Variants in TMEM65 observed in about 807,000 individuals in gnomAD.
The protein encoded by TMEM65 is transmembrane protein 65.
Under a neutral mutation model 25.4 loss-of-function variants are expected in TMEM65, and 22 were observed. The observed-to-expected ratio is 0.86, with a 90% CI of 0.62 to 1.23. The LOEUF is 1.23. Among genes scored for constraint, TMEM65 ranks in the 50% most tolerant of loss-of-function variants. TMEM65 has a pLI of 0.00. For synonymous variants in TMEM65, 132 were observed against 126.2 expected (o/e 1.05, Z -0.31); for missense variants, 262 against 308.2 (o/e 0.85, Z 1.12).
chr8:124,345,256 G>GCA (rs1206672494), intron 1 of TMEM65, among the ~76,000 whole-genome samples: 1 of 152,158 alleles, frequency 6.6e-6, no homozygotes, highest in Non-Finnish European at 1.5e-5. Flanking sequence ...TTTCTGTATA[G>GCA]CACTTCTATC....
intron 1 of TMEM65, among the ~76,000 whole-genome samples, chr8:124,337,145 G>GCA (rs1192708890): frequency 3.9e-5 from 5 of 126,912 alleles, no homozygotes; most frequent in East Asian, 2.1e-4. Flanking sequence ...ACACACACAC[G>GCA]CACACACACA....
intron 1 of TMEM65, among the ~76,000 whole-genome samples, chr8:124,338,444 T>G (rs951915761): frequency 1.3e-5 from 2 of 152,102 alleles, no homozygotes; most frequent in Non-Finnish European, 2.9e-5. Flanking sequence ...TCTGCAAAAT[T>G]CATCGCAGAC....
chr8:124,372,350 A>C lies in TMEM65; in HGVS notation c.-193T>G. On this transcript the variant is annotated 5_prime_UTR_variant, in exon 1 of 7. Coordinates refer to ENST00000297632, the MANE Select transcript of TMEM65 (RefSeq NM_194291.3). ...CTGTTCCGTCCCCACTTCCTTTCCA[A>C]AAGGCCCGCGGCGGCTCCCGCCCCT... 1.3e-5 allele frequency: 4 copies of C among 301,572 alleles called. No individual in the cohort carries two copies. The highest frequency in any genetic ancestry group is 6.2e-5 in the Admixed American group (1 of 16,140). The allele number at this position is 301,572 out of a possible 1,614,324, so 18.7% of individuals were successfully genotyped here.
At position 124,313,396 on chromosome 8, in the gene TMEM65, T is replaced by A. The variant is rs1217877810; in HGVS notation, c.*564A>T. ...GAAAATTAAAATAAGTAATATATACTTAAAATACTTAAAACCTGTATCTAT... is the reference window on the plus strand; with the variant it reads ...GAAAATTAAAATAAGTAATATATACATAAAATACTTAAAACCTGTATCTAT... On this transcript the variant is annotated 3_prime_UTR_variant, in exon 7 of 7. Transcript: ENST00000297632. The A allele has an allele frequency of 6.6e-6, 1 of 152,008 alleles. No individual in the cohort carries two copies. Among genetic ancestry groups the A allele is most frequent in the East Asian group, 1.9e-4 (1 of 5,202 alleles). 9.4% of individuals were successfully genotyped at this position (152,008 alleles called of 1,614,324 possible). A position where few individuals can be genotyped will look rare whatever the true frequency, so the allele number is the denominator to read the frequency against.
intron 1 of TMEM65, among the ~76,000 whole-genome samples, chr8:124,335,835 G>A (rs1163037346): frequency 6.6e-6 from 1 of 151,900 alleles, no homozygotes; most frequent in Non-Finnish European, 1.5e-5. Context: ...AAAAAACAGA[G>A]GGTCAAACAG....
chr8:124,345,273 T>C (rs898751668), intron 1 of TMEM65, among the ~76,000 whole-genome samples: 10 of 152,234 alleles, frequency 6.6e-5, no homozygotes, highest in Non-Finnish European at 1.3e-4. Flanking sequence ...TATCTGTCTA[T>C]AAATACTGCC....
intron 1 of TMEM65, among the ~76,000 whole-genome samples, chr8:124,350,518 G>A (rs565450217): frequency 6.7e-5 from 10 of 149,190 alleles, no homozygotes; most frequent in Non-Finnish European, 1.5e-4. Flanking sequence ...TACCATCACC[G>A]TAGCATGTAA....
intron 5 of TMEM65, among the ~76,000 whole-genome samples, chr8:124,321,651 G>A (rs889556522): frequency 6.6e-6 from 1 of 152,050 alleles, no homozygotes; most frequent in Non-Finnish European, 1.5e-5. Context: ...TCAAATTCGA[G>A]CCATATCCCT....
intron 1 of TMEM65, among the ~76,000 whole-genome samples, chr8:124,355,842 C>T (rs1006682047): frequency 6.6e-6 from 1 of 152,164 alleles, no homozygotes; most frequent in Non-Finnish European, 1.5e-5. Flanking sequence ...TAAGAGGGTA[C>T]AGCTAAATAG....
chr8:124,344,683 T>G (rs1372051819), intron 1 of TMEM65, among the ~76,000 whole-genome samples: 1 of 152,230 alleles, frequency 6.6e-6, no homozygotes, highest in Non-Finnish European at 1.5e-5. Flanking sequence ...TTTTTATATA[T>G]TTGATTTTGA....
intron 1 of TMEM65, among the ~76,000 whole-genome samples, chr8:124,342,851 C>G (rs1814597731): frequency 6.6e-6 from 1 of 152,116 alleles, no homozygotes; most frequent in South Asian, 2.1e-4. Context: ...TAATACATTT[C>G]TAGCACCTAA....
At chr8:124,369,498 A>G (rs1814983436) in intron 1 of TMEM65, among the ~76,000 whole-genome samples, 1 of 152,232 alleles carries the variant, frequency 6.6e-6, no homozygotes, top group Non-Finnish European at 1.5e-5. Context: ...GACACACAAG[A>G]TTGCCTATGG....
chr8:124,337,544 G>C (rs1311676739), intron 1 of TMEM65, among the ~76,000 whole-genome samples: 2 of 151,872 alleles, frequency 1.3e-5, no homozygotes, highest in Non-Finnish European at 1.5e-5. Flanking sequence ...AAATACATAG[G>C]ATAGAAAAAT....
intron 1 of TMEM65, among the ~76,000 whole-genome samples, chr8:124,345,970 C>A (rs938187157): frequency 1.3e-5 from 2 of 152,332 alleles, no homozygotes; most frequent in African/African-American, 4.8e-5. Flanking sequence ...TTGTCTGGAA[C>A]TCCTGACCTC....
intron 1 of TMEM65, among the ~76,000 whole-genome samples, chr8:124,367,692 A>G (rs1329070498): frequency 6.6e-6 from 1 of 152,234 alleles, no homozygotes; most frequent in Non-Finnish European, 1.5e-5. Context: ...CTCTTATACT[A>G]TATGGCAAGT....
Position 124,312,124 on chromosome 8 carries a change from T to TC in TMEM65, c.*1835dup, listed in dbSNP as rs200762629. The TC allele has an allele frequency of 1.8e-4, 26 of 141,990 alleles. No individual in the cohort carries two copies. The highest frequency in any genetic ancestry group is 1.1e-3 in the East Asian group (5 of 4,376). 8.8% of individuals were successfully genotyped at this position (141,990 alleles called of 1,614,324 possible). Reference sequence around the variant, plus strand: ...AAGCACTTACACTTTACCCCACCCTTCCCCCCCCAAAAATTTAAGCACTCT... The same window carrying TC: ...AAGCACTTACACTTTACCCCACCCTTCCCCCCCCCAAAAATTTAAGCACTCT... On this transcript the variant is annotated 3_prime_UTR_variant, in exon 7 of 7. Transcript: ENST00000297632.
At chr8:124,324,363 C>G (rs572934864) in intron 3 of TMEM65, among the ~76,000 whole-genome samples, 1 of 152,060 alleles carries the variant, frequency 6.6e-6, no homozygotes, top group Non-Finnish European at 1.5e-5. Context: ...TAATTCTTGT[C>G]GAATATGGAC....
In TMEM65 at chr8:124,307,930, G is replaced by C. The variant is rs4380916; in HGVS notation, c.*6030C>G. ...TAGTAAAGAAGAGAAGTGAGCACCA[G>C]GGTTTAAGGCAGAAAGGGACAGGCT... On this transcript the variant is annotated 3_prime_UTR_variant, in exon 7 of 7. Coordinates refer to ENST00000297632, the MANE Select transcript of TMEM65 (RefSeq NM_194291.3). 1.2e-4 allele frequency: 18 copies of C among 152,252 alleles called. No individual in the cohort carries two copies. The highest frequency in any genetic ancestry group is 4.1e-4 in the African/African-American group (17 of 41,556). The allele number at this position is 152,252 out of a possible 1,614,324, so 9.4% of individuals were successfully genotyped here.
At position 124,310,955 on chromosome 8, in the gene TMEM65, A is replaced by G. The variant is rs1814151288; in HGVS notation, c.*3005T>C. Reference sequence around the variant, plus strand: ...AAAAAGGTTATATTATATTTAATATACTGTCTTAAGATGGCGAGAAAATAT... The same window carrying G: ...AAAAAGGTTATATTATATTTAATATGCTGTCTTAAGATGGCGAGAAAATAT... On this transcript the variant is annotated 3_prime_UTR_variant, in exon 7 of 7. Coordinates refer to ENST00000297632, the MANE Select transcript of TMEM65 (RefSeq NM_194291.3). 6.6e-6 allele frequency: 1 copy of G among 152,202 alleles called. No individual in the cohort carries two copies. Among genetic ancestry groups the G allele is most frequent in the Admixed American group, 6.5e-5 (1 of 15,278 alleles). The allele number at this position is 152,202 out of a possible 1,614,324, so 9.4% of individuals were successfully genotyped here.
Sources: allele counts gnomAD v4.1 joint callset (sites outside exome capture counted in the v4.1 genomes callset), GRCh38; gene constraint gnomAD v4.1.1; transcripts MANE v1.5; gene names NCBI Gene and HGNC (gene_info 2026-07-23, HGNC 2026-07-21).